TCF12: variants seen among roughly 807,000 people sequenced by gnomAD.
TCF12 encodes the protein transcription factor 12.
A neutral mutation model predicts 86.0 loss-of-function variants in TCF12; 45 were observed. The observed-to-expected ratio is 0.52, with a 90% CI of 0.41 to 0.67. The LOEUF (loss-of-function observed/expected upper bound fraction) is 0.67. TCF12 is among the 30% of genes least tolerant of loss of function. TCF12 has a pLI of 0.00. For synonymous variants in TCF12, 330 were observed against 299.6 expected, an observed-to-expected ratio of 1.10 and a Z score of -1.05; for missense variants, 881 against 859.9, an observed-to-expected ratio of 1.02 and a Z score of -0.31.
chr15:57,111,804 G>A (rs2050511653), intron 5 of TCF12, among the ~76,000 whole-genome samples: 1 of 151,946 alleles, frequency 6.6e-6, no homozygotes, highest in East Asian at 1.9e-4. Context: ...TGTTGTTCAA[G>A]CTGGTCTCAA....
At chr15:57,081,531 T>C (rs2070657944) in intron 4 of TCF12, among the ~76,000 whole-genome samples, 1 of 152,166 alleles carries the variant, frequency 6.6e-6, no homozygotes, top group Non-Finnish European at 1.5e-5. Flanking sequence ...TTATTATTTT[T>C]ATTATAGTAG....
At chr15:57,111,304 A>T (rs1437466832) in intron 5 of TCF12, among the ~76,000 whole-genome samples, 2 of 152,090 alleles carry the variant, frequency 1.3e-5, no homozygotes, top group East Asian at 3.9e-4. Flanking sequence ...CTTTTGCTAG[A>T]TGTTCATTGT....
At chr15:57,017,777 A>C (rs2065240094) in intron 3 of TCF12, among the ~76,000 whole-genome samples, 1 of 151,076 alleles carries the variant, frequency 6.6e-6, no homozygotes, top group Non-Finnish European at 1.5e-5. Context: ...AGATTTTAAA[A>C]AGTCATACCT....
chr15:57,232,504 A>T (rs1394902665), intron 10 of TCF12, 74 bp downstream of exon 10: 1 of 1,520,362 alleles, frequency 6.6e-7, no homozygotes, highest in Non-Finnish European at 8.8e-7. Flanking sequence ...TTAGAAGTGT[A>T]AAATCTAAGT....
intron 8 of TCF12, among the ~76,000 whole-genome samples, chr15:57,230,191 C>T (rs911011533): frequency 6.6e-6 from 1 of 151,850 alleles, no homozygotes; most frequent in South Asian, 2.1e-4. Flanking sequence ...TAATGTTATT[C>T]TGTTTCAGTC....
intron 5 of TCF12, among the ~76,000 whole-genome samples, chr15:57,109,733 A>G (rs2050365627): frequency 6.6e-6 from 1 of 152,192 alleles, no homozygotes; most frequent in African/African-American, 2.4e-5. Context: ...TTGCCTTTCT[A>G]CATTCATAAA....
At chr15:57,012,541 T>TA (rs2064894329) in intron 3 of TCF12, among the ~76,000 whole-genome samples, 1 of 152,200 alleles carries the variant, frequency 6.6e-6, no homozygotes, top group Admixed American at 6.5e-5. Context: ...ATGCCTGAGA[T>TA]AGAGTTTAGT....
rs35859330 is a variant in TCF12, at chr15:57,054,773, C to CTTTTTTTT, written c.149-8955_149-8948dup. 1.0e-3 allele frequency among the ~76,000 whole-genome samples: 25 copies of CTTTTTTTT among 24,190 alleles called. 7 individuals carry two copies. The highest frequency in any genetic ancestry group is 3.1e-3 in the African/African-American group (21 of 6,848). 15.9% of individuals were successfully genotyped at this position (24,190 alleles called of 152,430 possible). A position where few individuals can be genotyped will look rare whatever the true frequency, so the allele number is the denominator to read the frequency against. Reference sequence around the variant, plus strand: ...AGCTGGCTTTTTTGCAATGCCTCTGCTTTTTTTTTTTTTTTTTTTTTTTTT... The same window carrying CTTTTTTTT: ...AGCTGGCTTTTTTGCAATGCCTCTGCTTTTTTTTTTTTTTTTTTTTTTTTTTTTTTTTT... On this transcript the variant is annotated intron_variant, in intron 3 of 20. Coordinates refer to ENST00000333725, the MANE Select transcript of TCF12 (RefSeq NM_207037.2).
At chr15:57,096,530 T>A (rs971321313) in intron 5 of TCF12, among the ~76,000 whole-genome samples, 2 of 152,138 alleles carry the variant, frequency 1.3e-5, no homozygotes, top group African/African-American at 2.4e-5. Context: ...TATATATATA[T>A]AAAATGGTAT....
intron 3 of TCF12, among the ~76,000 whole-genome samples, chr15:56,964,393 A>G (rs1429820162): frequency 6.6e-6 from 1 of 152,170 alleles, no homozygotes; most frequent in Non-Finnish European, 1.5e-5. Flanking sequence ...CAAGATCCTT[A>G]TCTTACCTCA....
rs76884420 is a variant in TCF12 at position 57,192,920 on chromosome 15, A to G, written c.526+627A>G. Among the ~76,000 whole-genome samples, 1,056 of 152,334 alleles carry G rather than the reference A, an allele frequency of 6.9e-3. 9 individuals are homozygous for G. Among genetic ancestry groups the G allele is most frequent in the Non-Finnish European group, 0.012 (817 of 68,032 alleles). ...TAACAAGTTTCAAACAGCCAGTGTA[A>G]TACTCTTGCTTGGTCCTCACATGAG... On this transcript the variant is annotated intron_variant, in intron 7 of 20. Transcript: ENST00000333725.
At position 57,192,241 on chromosome 15, in the gene TCF12, A is replaced by G; in HGVS notation, c.474A>G (p.Ser158=). ...SSGKPGTAYY[S]FSATSSRRRP... ...GAAAACCTGGGACAGCATACTATTCATTCTCTGCTACAAGTTCCAGGAGGA... is the reference window on the plus strand; with the variant it reads ...GAAAACCTGGGACAGCATACTATTCGTTCTCTGCTACAAGTTCCAGGAGGA... Residue 158 remains serine, a synonymous_variant, in exon 7 of 21, where the codon TCA becomes TCG. Coordinates refer to ENST00000333725, the MANE Select transcript of TCF12 (RefSeq NM_207037.2). The G allele has an allele frequency of 6.2e-7, 1 of 1,614,182 alleles. No homozygotes were observed. The highest frequency in any genetic ancestry group is 8.5e-7 in the Non-Finnish European group (1 of 1,180,010).
chr15:57,067,777 A>G (rs1205888568), intron 4 of TCF12, among the ~76,000 whole-genome samples: 1 of 152,124 alleles, frequency 6.6e-6, no homozygotes, highest in Non-Finnish European at 1.5e-5. Flanking sequence ...GAACATATAG[A>G]TAGAATCATG....
intron 3 of TCF12, among the ~76,000 whole-genome samples, chr15:56,987,241 G>A (rs1452539909): frequency 2.0e-5 from 3 of 151,986 alleles, no homozygotes; most frequent in Non-Finnish European, 4.4e-5. Context: ...CCCCTTCTGA[G>A]TAGCTGGGAT....
chr15:56,994,598 G>C (rs1157675203), intron 3 of TCF12, among the ~76,000 whole-genome samples: 1 of 152,134 alleles, frequency 6.6e-6, no homozygotes, highest in Non-Finnish European at 1.5e-5. Flanking sequence ...TGCTCCTTGG[G>C]GGGAGCAATG....
chr15:56,921,503 TC>T (rs2059791541), intron 3 of TCF12, among the ~76,000 whole-genome samples: 1 of 152,104 alleles, frequency 6.6e-6, no homozygotes, highest in South Asian at 2.1e-4. Context: ...ACTACTGTGC[TC>T]CATTTTAAAA....
chr15:57,046,943 C>T (rs557749642), intron 3 of TCF12, among the ~76,000 whole-genome samples: 26 of 152,298 alleles, frequency 1.7e-4, no homozygotes, highest in African/African-American at 5.8e-4. Context: ...TTTCCCCAAT[C>T]TTGTTGATGA....
At chr15:56,935,681 G>GTATC in intron 3 of TCF12, among the ~76,000 whole-genome samples, 1 of 152,064 alleles carries the variant, frequency 6.6e-6, no homozygotes. Context: ...TTATACCTTT[G>GTATC]TATCTCATAG....
intron 6 of TCF12, 39 bp from the exon 7 acceptor site, chr15:57,192,119 A>C: frequency 6.2e-7 from 1 of 1,608,486 alleles, no homozygotes; most frequent in Non-Finnish European, 8.5e-7. Context: ...GGTCAGTATC[A>C]GCAGGAAAAT....
Sources: allele counts gnomAD v4.1 joint callset (sites outside exome capture counted in the v4.1 genomes callset), GRCh38; gene constraint gnomAD v4.1.1; transcripts MANE v1.5; gene names NCBI Gene and HGNC (gene_info 2026-07-23, HGNC 2026-07-21).